Variants in CNTLN observed in about 807,000 individuals in gnomAD.
The protein encoded by CNTLN is centlein, centrosomal protein.
In CNTLN, 212 loss-of-function variants were observed where a neutral mutation model predicts 180.0. The ratio of observed to expected loss-of-function variants is 1.18; its 90% confidence interval spans 1.05 to 1.32. The LOEUF (loss-of-function observed/expected upper bound fraction) is 1.32. Among genes scored for constraint, CNTLN ranks in the 40% most tolerant of loss-of-function variants. The pLI, the probability that CNTLN is intolerant of heterozygous loss-of-function variation, is 0.00. For synonymous variants in CNTLN, 722 were observed against 563.1 expected (o/e 1.28, Z -3.99); for missense variants, 2,095 against 1,610.9 (o/e 1.30, Z -5.14).
rs142049392 is a variant in CNTLN at position 17,457,992 on chromosome 9, C to T, written c.3306+277C>T. ...CTGCTACTCTAATACTTCTTTCTGCCCCCATGCCTCCCTCCAGCTGAACAG... is the reference window on the plus strand; with the variant it reads ...CTGCTACTCTAATACTTCTTTCTGCTCCCATGCCTCCCTCCAGCTGAACAG... On this transcript the variant is annotated intron_variant, in intron 19 of 25. Coordinates refer to ENST00000380647, the MANE Select transcript of CNTLN (RefSeq NM_017738.4). Among the ~76,000 whole-genome samples the T allele has an allele frequency of 8.4e-3, 1,283 of 151,960 alleles. 8 individuals are homozygous for T. The highest frequency in any genetic ancestry group is 0.014 in the Non-Finnish European group (935 of 67,888).
At chr9:17,461,473 G>A (rs1379514808) in intron 19 of CNTLN, among the ~76,000 whole-genome samples, 1 of 151,496 alleles carries the variant, frequency 6.6e-6, no homozygotes, top group Non-Finnish European at 1.5e-5. Flanking sequence ...CCATGTTGAG[G>A]TAGCTTTGGG....
At chr9:17,435,910 G>A (rs1026926110) in intron 18 of CNTLN, among the ~76,000 whole-genome samples, 1 of 151,970 alleles carries the variant, frequency 6.6e-6, no homozygotes, top group Admixed American at 6.6e-5. Context: ...ACCTGTCAAG[G>A]TAACAAATTC....
intron 19 of CNTLN, among the ~76,000 whole-genome samples, chr9:17,462,561 A>G (rs1371935585): frequency 6.6e-6 from 1 of 151,780 alleles, no homozygotes; most frequent in Non-Finnish European, 1.5e-5. Context: ...ATGTTAGTAA[A>G]TCCAGTATTT....
intron 18 of CNTLN, among the ~76,000 whole-genome samples, chr9:17,438,005 A>G (rs1458164788): frequency 6.6e-6 from 1 of 152,178 alleles, no homozygotes; most frequent in Non-Finnish European, 1.5e-5. Context: ...TTGAAAAGAC[A>G]TCTAGCTGAC....
intron 14 of CNTLN, among the ~76,000 whole-genome samples, chr9:17,391,273 A>G (rs1213548666): frequency 6.6e-6 from 1 of 152,178 alleles, no homozygotes. Flanking sequence ...CCCCTCTGGA[A>G]TGAAAGTCTT....
chr9:17,259,654 C>T (rs1826798030), intron 5 of CNTLN, among the ~76,000 whole-genome samples: 2 of 150,884 alleles, frequency 1.3e-5, no homozygotes, highest in South Asian at 2.1e-4. Context: ...AATTTCAGAT[C>T]CTGTTATTGG....
At chr9:17,269,167 G>A (rs944575783) in intron 5 of CNTLN, among the ~76,000 whole-genome samples, 3 of 152,012 alleles carry the variant, frequency 2.0e-5, no homozygotes, top group Non-Finnish European at 4.4e-5. Context: ...GTTCCTATTC[G>A]GCCATGTTGG....
intron 5 of CNTLN, among the ~76,000 whole-genome samples, chr9:17,269,083 C>A (rs1827740958): frequency 6.6e-6 from 1 of 152,126 alleles, no homozygotes; most frequent in Non-Finnish European, 1.5e-5. Flanking sequence ...TGAGATGAAC[C>A]CGGTACCTCA....
intron 2 of CNTLN, among the ~76,000 whole-genome samples, chr9:17,182,437 T>C (rs770928041): frequency 6.6e-6 from 1 of 152,126 alleles, no homozygotes; most frequent in Non-Finnish European, 1.5e-5. Flanking sequence ...TTTCCCCCAC[T>C]TCAGAGTTTT....
chr9:17,303,426 G>T (rs549953780), intron 7 of CNTLN, among the ~76,000 whole-genome samples: 93 of 152,212 alleles, frequency 6.1e-4, no homozygotes, highest in African/African-American at 2.1e-3. Context: ...CTTTCTCTGT[G>T]AAAAGGGCTT....
chr9:17,471,749 G>C (rs1003767222), intron 23 of CNTLN, among the ~76,000 whole-genome samples: 2 of 152,016 alleles, frequency 1.3e-5, no homozygotes, highest in Non-Finnish European at 2.9e-5. Flanking sequence ...GTTGCTCAGA[G>C]AGCAACTGAG....
chr9:17,313,152 A>T (rs955505073), intron 8 of CNTLN, among the ~76,000 whole-genome samples: 4 of 152,148 alleles, frequency 2.6e-5, no homozygotes, highest in Admixed American at 6.5e-5. Context: ...TTTAATGGTT[A>T]TATTTTGCAT....
chr9:17,326,548 A>G lies in CNTLN; in HGVS notation c.1342-4084A>G, dbSNP rs553963574. Among the ~76,000 whole-genome samples, 41 of 152,250 alleles carry G rather than the reference A, an allele frequency of 2.7e-4. 1 individual carries two copies. The highest frequency in any genetic ancestry group is 9.6e-4 in the African/African-American group (40 of 41,554). ...ATACATATAATAGTTATATGTGTAT[A>G]TGTTTGAGATTATTAAGTTTTTAAA... On this transcript the variant is annotated intron_variant, in intron 8 of 25. Coordinates refer to ENST00000380647, the MANE Select transcript of CNTLN (RefSeq NM_017738.4).
At chr9:17,169,532 A>T (rs1358089352) in intron 2 of CNTLN, among the ~76,000 whole-genome samples, 1 of 152,110 alleles carries the variant, frequency 6.6e-6, no homozygotes, top group African/African-American at 2.4e-5. Context: ...TGTGATTTCA[A>T]GTCTTAGGAT....
At chr9:17,427,317 C>CA (rs71331489) in intron 18 of CNTLN, among the ~76,000 whole-genome samples, 129,271 of 148,652 alleles carry the variant, frequency 0.87, 56,475 homozygotes, top group Non-Finnish European at 0.91. Flanking sequence ...TTCAGCAATA[C>CA]TCGAAAAGAA....
At chr9:17,265,266 G>C (rs1053541464) in intron 5 of CNTLN, among the ~76,000 whole-genome samples, 1 of 151,860 alleles carries the variant, frequency 6.6e-6, no homozygotes, top group African/African-American at 2.4e-5. Context: ...GTTGAATTTT[G>C]TCAAAGGCCT....
chr9:17,240,685 A>T (rs999900304), intron 5 of CNTLN, among the ~76,000 whole-genome samples: 7 of 152,050 alleles, frequency 4.6e-5, no homozygotes, highest in Admixed American at 2.0e-4. Flanking sequence ...TAGTTTGTAC[A>T]TATTGTCCCA....
intron 18 of CNTLN, among the ~76,000 whole-genome samples, chr9:17,440,989 A>G (rs1442531): frequency 0.57 from 86,978 of 152,092 alleles, 25,242 homozygotes; most frequent in Non-Finnish European, 0.61. Context: ...GTACTCTACA[A>G]TTAGTGTGTG....
intron 2 of CNTLN, among the ~76,000 whole-genome samples, chr9:17,224,143 G>A (rs1399865904): frequency 4.6e-5 from 7 of 151,898 alleles, no homozygotes; most frequent in South Asian, 4.2e-4. Flanking sequence ...TCCTTTCTTC[G>A]TTACCCTAAT....
Sources: gnomAD v4.1 joint callset for allele counts (sites outside exome capture counted in the v4.1 genomes callset) on GRCh38, gnomAD v4.1.1 for gene constraint, MANE v1.5 for transcripts, NCBI Gene and HGNC (gene_info 2026-07-23, HGNC 2026-07-21) for gene names.